The following ITGB8 variants were observed in gnomAD, a reference collection of about 807,000 sequenced individuals.
ITGB8 encodes integrin beta-8.
ITGB8 carries 30 observed loss-of-function variants against 89.5 expected under a neutral mutation model. That is an observed-to-expected ratio of 0.34 (90% CI 0.25 to 0.45). The LOEUF is 0.45. ITGB8 is among the 20% of genes least tolerant of loss of function. ITGB8 has a pLI of 1.00. For synonymous variants in ITGB8, 335 were observed against 320.4 expected (o/e 1.05, Z -0.49); for missense variants, 836 against 933.3 (o/e 0.90, Z 1.36).
rs184953686 is a variant in ITGB8 at position 20,386,174 on chromosome 7, G to A, written c.960+4289G>A. On this transcript the variant is annotated intron_variant, in intron 6 of 13. Coordinates refer to ENST00000222573, the MANE Select transcript of ITGB8 (RefSeq NM_002214.3). ...CGATTGTTCCATCTTTTGGGGCATC[G>A]AAAGACTACAAAGTACCTGATTTCA... is the stretch of plus-strand genomic sequence containing the variant. Among the ~76,000 whole-genome samples the A allele has an allele frequency of 9.9e-5, 15 of 151,966 alleles. No homozygotes were observed. The South Asian group carries it at 1.0e-3, about 11-fold the overall frequency.
intron 6 of ITGB8, 152 bp downstream of exon 6, chr7:20,382,037 G>T: frequency 1.6e-6 from 1 of 629,756 alleles, no homozygotes; most frequent in Admixed American, 3.0e-5. Context: ...ATGGAACAGT[G>T]CAATCTATAA....
intron 1 of ITGB8, among the ~76,000 whole-genome samples, chr7:20,358,805 C>T (rs902875986): frequency 6.6e-6 from 1 of 152,234 alleles, no homozygotes. Flanking sequence ...ACTAATGATC[C>T]GATCTCCCAG....
At chr7:20,336,969 T>C (rs1316824544) in intron 1 of ITGB8, among the ~76,000 whole-genome samples, 1 of 152,222 alleles carries the variant, frequency 6.6e-6, no homozygotes, top group Non-Finnish European at 1.5e-5. Context: ...AAATTTTCTT[T>C]TAAAAGTGGG....
intron 3 of ITGB8, among the ~76,000 whole-genome samples, chr7:20,376,335 TC>T (rs1786143391): frequency 6.6e-6 from 1 of 152,184 alleles, no homozygotes; most frequent in Admixed American, 6.5e-5. Flanking sequence ...CCAGGGTCAC[TC>T]TAAGCCCATG....
Position 20,331,528 on chromosome 7 carries a change from T to G in ITGB8, c.-279T>G, listed in dbSNP as rs1784392033. Reference sequence around the variant, plus strand: ...AGCCCTTGCAGAGCCCTCTCTCCAGTCGCCGCCGGGGCCCTTGGCCGTCGA... The same window carrying G: ...AGCCCTTGCAGAGCCCTCTCTCCAGGCGCCGCCGGGGCCCTTGGCCGTCGA... On this transcript the variant is annotated 5_prime_UTR_variant, in exon 1 of 14. Coordinates refer to ENST00000222573, the MANE Select transcript of ITGB8 (RefSeq NM_002214.3). 6.8e-6 allele frequency: 3 copies of G among 441,246 alleles called. No individual in the cohort carries two copies. Among genetic ancestry groups the G allele is most frequent in the Non-Finnish European group, 1.2e-5 (3 of 254,500 alleles). 27.3% of individuals were successfully genotyped at this position (441,246 alleles called of 1,614,324 possible).
At chr7:20,350,164 T>G (rs971978883) in intron 1 of ITGB8, among the ~76,000 whole-genome samples, 6 of 152,222 alleles carry the variant, frequency 3.9e-5, no homozygotes, top group Non-Finnish European at 7.3e-5. Flanking sequence ...GTTGTTGTTT[T>G]GAGACGGAGT....
intron 6 of ITGB8, among the ~76,000 whole-genome samples, chr7:20,388,817 T>C (rs1053670984): frequency 3.1e-4 from 47 of 152,258 alleles, no homozygotes; most frequent in Non-Finnish European, 4.4e-5. Context: ...CCCTGGTGTA[T>C]GATGTTCCCC....
Position 20,401,869 on chromosome 7 carries a change from C to G in ITGB8, c.1430C>G (p.Pro477Arg), listed in dbSNP as rs756978531. The change falls in exon 10 of 14, where the codon CCT becomes CGT. Residue 477 changes from proline to arginine, a missense_variant. By Grantham distance (103) the Pro-to-Arg change is moderately radical. Transcript: ENST00000222573. ...CSCQCEDNRGPKGKCVDETFL... is the reference protein window; with the variant it reads ...CSCQCEDNRGRKGKCVDETFL... Reference sequence around the variant, plus strand: ...TGTCAGTGTGAGGACAACAGAGGACCTAAAGGAAAGTGTGTAGATGAAACT... The same window carrying G: ...TGTCAGTGTGAGGACAACAGAGGACGTAAAGGAAAGTGTGTAGATGAAACT... 2 of 1,614,018 alleles carry G rather than the reference C, an allele frequency of 1.2e-6. No homozygotes were observed. Among genetic ancestry groups the G allele is most frequent in the African/African-American group, 2.7e-5 (2 of 75,000 alleles).
intron 1 of ITGB8, among the ~76,000 whole-genome samples, chr7:20,347,056 C>T (rs532603458): frequency 2.0e-5 from 3 of 152,298 alleles, no homozygotes; most frequent in African/African-American, 7.2e-5. Flanking sequence ...ACTCGTCTGT[C>T]CCTTCTGCCA....
rs1787879380 is a variant in ITGB8, at chr7:20,414,898, T to C, written c.*4901T>C. 1 of 152,568 alleles carries C rather than the reference T, an allele frequency of 6.6e-6. No homozygotes were observed. Among genetic ancestry groups the C allele is most frequent in the Admixed American group, 6.6e-5 (1 of 15,266 alleles). The allele number at this position is 152,568 out of a possible 1,614,324, so 9.5% of individuals were successfully genotyped here. ...GTTTCTTCTAGCCTCTGCAACCTAC[T>C]TCAGTTAGAATTGTCTAATACTGCT... On this transcript the variant is annotated 3_prime_UTR_variant, in exon 14 of 14. Coordinates refer to ENST00000222573, the MANE Select transcript of ITGB8 (RefSeq NM_002214.3).
chr7:20,371,332 C>T (rs1785927371), intron 3 of ITGB8, among the ~76,000 whole-genome samples: 1 of 152,060 alleles, frequency 6.6e-6, no homozygotes, highest in Non-Finnish European at 1.5e-5. Flanking sequence ...GCAAAATTAT[C>T]ATGCTATGGA....
chr7:20,366,773 A>G (rs1489989990), intron 2 of ITGB8: 1 of 393,864 alleles, frequency 2.5e-6, no homozygotes. Flanking sequence ...CCGACACAGA[A>G]AAAAAAAGCC....
At position 20,415,343 on chromosome 7, in the gene ITGB8, C is replaced by G. The variant is rs927757561; in HGVS notation, c.*5346C>G. Reference sequence around the variant, plus strand: ...TAAAAACTTATTTTGTTTCACCTAACGAATACTGCGTTTGTAAAAATAAAT... The same window carrying G: ...TAAAAACTTATTTTGTTTCACCTAAGGAATACTGCGTTTGTAAAAATAAAT... On this transcript the variant is annotated 3_prime_UTR_variant, in exon 14 of 14. Coordinates refer to ENST00000222573, the MANE Select transcript of ITGB8 (RefSeq NM_002214.3). 1 of 151,512 alleles carries G rather than the reference C, an allele frequency of 6.6e-6. No homozygotes were observed. Among genetic ancestry groups the G allele is most frequent in the Non-Finnish European group, 1.5e-5 (1 of 67,800 alleles). 9.4% of individuals were successfully genotyped at this position (151,512 alleles called of 1,614,324 possible). A position where few individuals can be genotyped will look rare whatever the true frequency, so the allele number is the denominator to read the frequency against.
chr7:20,386,405 A>ATTTTTTTTTTTTT (rs759304002), intron 6 of ITGB8, among the ~76,000 whole-genome samples: 4 of 80,350 alleles, frequency 5.0e-5, no homozygotes, highest in Non-Finnish European at 6.7e-5. Context: ...CACCTGGCTA[A>ATTTTTTTTTTTTT]TTTTTTTTTT....
At chr7:20,346,092 A>T (rs142437891) in intron 1 of ITGB8, among the ~76,000 whole-genome samples, 2,910 of 152,174 alleles carry the variant, frequency 0.019, 50 homozygotes, top group Non-Finnish European at 0.028. Flanking sequence ...TGGGGGTGGG[A>T]TGATTAGGGG....
chr7:20,384,562 A>G (rs1042735326), intron 6 of ITGB8, among the ~76,000 whole-genome samples: 2 of 152,232 alleles, frequency 1.3e-5, no homozygotes, highest in African/African-American at 2.4e-5. Context: ...TACAAACAGC[A>G]GGACTGAGGG....
rs555687051 is a variant in ITGB8 at position 20,331,517 on chromosome 7, C to T, written c.-290C>T. 1 of 437,450 alleles carries T rather than the reference C, an allele frequency of 2.3e-6. No homozygotes were observed. Among genetic ancestry groups the T allele is most frequent in the South Asian group, 7.0e-5 (1 of 14,186 alleles). The allele number at this position is 437,450 out of a possible 1,614,324, so 27.1% of individuals were successfully genotyped here. A position where few individuals can be genotyped will look rare whatever the true frequency, so the allele number is the denominator to read the frequency against. The stretch of plus-strand genomic sequence containing the variant: ...GCAGGCTGCGGAGCCCTTGCAGAGC[C>T]CTCTCTCCAGTCGCCGCCGGGGCCC... On this transcript the variant is annotated 5_prime_UTR_variant, in exon 1 of 14. Coordinates refer to ENST00000222573, the MANE Select transcript of ITGB8 (RefSeq NM_002214.3).
At chr7:20,391,078 T>C (rs1041188781) in intron 6 of ITGB8, among the ~76,000 whole-genome samples, 1 of 152,122 alleles carries the variant, frequency 6.6e-6, no homozygotes, top group African/African-American at 2.4e-5. Flanking sequence ...CGTGTCTCTA[T>C]TTCTGAATAT....
In ITGB8 at chr7:20,406,104, T is replaced by G. The variant is rs1198617840; in HGVS notation, c.1956T>G (p.Ala652=). 1 of 1,613,664 alleles carries G rather than the reference T, an allele frequency of 6.2e-7. No homozygotes were observed. ...TTCACCCTCACAATTTGTCTCAGGCTATACTTGATCAGTGCAAAACCTCAT... is the reference window on the plus strand; with the variant it reads ...TTCACCCTCACAATTTGTCTCAGGCGATACTTGATCAGTGCAAAACCTCAT... ...QCLHPHNLSQ[A]ILDQCKTSCA... Residue 652 remains alanine (A), a synonymous_variant, in exon 12 of 14, where the codon GCT becomes GCG. Coordinates refer to ENST00000222573, the MANE Select transcript of ITGB8 (RefSeq NM_002214.3).
Sources: allele counts gnomAD v4.1 joint callset (sites outside exome capture counted in the v4.1 genomes callset), GRCh38; gene constraint gnomAD v4.1.1; transcripts MANE v1.5; gene names NCBI Gene and HGNC (gene_info 2026-07-23, HGNC 2026-07-21).